Variants in ARHGAP25 observed in about 807,000 individuals in gnomAD.
ARHGAP25 encodes rho GTPase-activating protein 25.
In ARHGAP25, 34 loss-of-function variants were observed where a neutral mutation model predicts 71.0. That is an observed-to-expected ratio of 0.48 (90% CI 0.36 to 0.64). ARHGAP25 has a LOEUF of 0.64. Among genes scored for constraint, ARHGAP25 ranks in the 30% least tolerant of loss-of-function variants. ARHGAP25 has a pLI of 0.00. For synonymous variants in ARHGAP25, 282 were observed against 296.5 expected, an observed-to-expected ratio of 0.95 and a Z score of 0.50; for missense variants, 706 against 805.1, an observed-to-expected ratio of 0.88 and a Z score of 1.49.
At chr2:68,724,176 A>G (rs1449524622) in intron 2 of ARHGAP25, among the ~76,000 whole-genome samples, 1 of 152,036 alleles carries the variant, frequency 6.6e-6, no homozygotes, top group African/African-American at 2.4e-5. Context: ...AGCTCTCTGG[A>G]CAGCCTGGAA....
chr2:68,815,819 T>G (rs1558660174), intron 6 of ARHGAP25, among the ~76,000 whole-genome samples: 1 of 146,246 alleles, frequency 6.8e-6, no homozygotes, highest in East Asian at 2.1e-4. Flanking sequence ...CAGCGTGGTC[T>G]GCCTGTCTCT....
At chr2:68,802,746 GA>G (rs1680087597) in intron 4 of ARHGAP25, among the ~76,000 whole-genome samples, 1 of 151,434 alleles carries the variant, frequency 6.6e-6, no homozygotes, top group Non-Finnish European at 1.5e-5. Flanking sequence ...GATGGAAATA[GA>G]TATGATATAA....
intron 2 of ARHGAP25, among the ~76,000 whole-genome samples, chr2:68,714,601 G>C (rs1259285311): frequency 6.6e-6 from 1 of 152,064 alleles, no homozygotes; most frequent in Non-Finnish European, 1.5e-5. Flanking sequence ...GATCTTTCCT[G>C]CTTTCTCCTT....
chr2:68,713,418 T>A (rs1674535346), intron 2 of ARHGAP25, among the ~76,000 whole-genome samples: 1 of 152,154 alleles, frequency 6.6e-6, no homozygotes, highest in African/African-American at 2.4e-5. Flanking sequence ...GACGATGGGG[T>A]TTTCTAAATA....
intron 3 of ARHGAP25, among the ~76,000 whole-genome samples, chr2:68,786,863 A>T (rs1455764166): frequency 1.3e-5 from 2 of 152,262 alleles, no homozygotes; most frequent in African/African-American, 4.8e-5. Flanking sequence ...ATTGCTGCTT[A>T]CGAAGGCACT....
chr2:68,738,872 C>A (rs917627909), intron 1 of ARHGAP25, among the ~76,000 whole-genome samples: 1 of 150,630 alleles, frequency 6.6e-6, no homozygotes, highest in Non-Finnish European at 1.5e-5. Context: ...AGACAGTGAA[C>A]AGCTACACAA....
chr2:68,816,187 G>T, intron 6 of ARHGAP25, 102 bp from the exon 7 acceptor site: 1 of 956,704 alleles, frequency 1.0e-6, no homozygotes, highest in East Asian at 2.4e-5. Flanking sequence ...CCAAAGTGTT[G>T]TTTCTGCACA....
intron 1 of ARHGAP25, among the ~76,000 whole-genome samples, chr2:68,773,057 C>T (rs1677589673): frequency 6.6e-6 from 1 of 152,064 alleles, no homozygotes; most frequent in East Asian, 1.9e-4. Context: ...GAAGTGACTG[C>T]CAGATGGAAC....
chr2:68,788,479 G>C (rs868194899), intron 4 of ARHGAP25, among the ~76,000 whole-genome samples: 1 of 152,244 alleles, frequency 6.6e-6, no homozygotes, highest in South Asian at 2.1e-4. Flanking sequence ...TTCAGGAATT[G>C]TGTCTGAAGT....
chr2:68,742,456 G>A (rs1553394631), intron 1 of ARHGAP25, among the ~76,000 whole-genome samples: 1 of 152,120 alleles, frequency 6.6e-6, no homozygotes, highest in Non-Finnish European at 1.5e-5. Context: ...ATCATCGATC[G>A]GTCACTGTGT....
intron 2 of ARHGAP25, among the ~76,000 whole-genome samples, chr2:68,724,821 T>C (rs1367650310): frequency 6.6e-6 from 1 of 152,204 alleles, no homozygotes; most frequent in African/African-American, 2.4e-5. Context: ...CCTTGTCATT[T>C]TTCCCTTGAC....
At chr2:68,726,335 C>T (rs946889307) in intron 2 of ARHGAP25, among the ~76,000 whole-genome samples, 3 of 152,150 alleles carry the variant, frequency 2.0e-5, no homozygotes, top group Non-Finnish European at 4.4e-5. Flanking sequence ...ATATTGGCAG[C>T]TTCACGTGGT....
chr2:68,781,382 T>A (rs1573517813), intron 2 of ARHGAP25, among the ~76,000 whole-genome samples: 1 of 151,362 alleles, frequency 6.6e-6, no homozygotes. Flanking sequence ...AGAGCGAGAC[T>A]CCGTCTCAAA....
At chr2:68,729,371 C>T (rs1674954874) in intron 2 of ARHGAP25, among the ~76,000 whole-genome samples, 1 of 152,064 alleles carries the variant, frequency 6.6e-6, no homozygotes, top group South Asian at 2.1e-4. Flanking sequence ...AAGGAAGTGA[C>T]AGAGTGGAGA....
chr2:68,819,136 C>T lies in ARHGAP25; in HGVS notation c.1017C>T (p.Ile339=), dbSNP rs531604178. The change falls in exon 9 of 11, where the codon ATC becomes ATT. Residue 339 remains isoleucine (I), a synonymous_variant. Transcript: ENST00000409202. ...PAVIMRGTPQ[I]QRVMTMMIRD... is the part of the protein sequence containing the mutation. ...TCTGTCTTTCAGGGACTCCTCAGAT[C>T]CAAAGAGTGATGACTATGATGATCA... 2.6e-6 allele frequency: 4 copies of T among 1,562,880 alleles called. No homozygotes were observed. The Admixed American group carries it at 5.7e-5, about 22-fold the overall frequency.
At chr2:68,823,837 G>A (rs1681890118) in intron 10 of ARHGAP25, among the ~76,000 whole-genome samples, 1 of 152,206 alleles carries the variant, frequency 6.6e-6, no homozygotes, top group Non-Finnish European at 1.5e-5. Context: ...CAAGATCTGT[G>A]CACACAATTT....
intron 1 of ARHGAP25, among the ~76,000 whole-genome samples, chr2:68,747,601 T>G (rs970186446): frequency 6.6e-6 from 1 of 152,210 alleles, no homozygotes; most frequent in Non-Finnish European, 1.5e-5. Flanking sequence ...CAACGTCTCT[T>G]CTGGGTTCTG....
At chr2:68,755,037 C>A (rs1676397290) in intron 1 of ARHGAP25, among the ~76,000 whole-genome samples, 2 of 152,108 alleles carry the variant, frequency 1.3e-5, no homozygotes, top group South Asian at 4.1e-4. Flanking sequence ...TTGATGAAGT[C>A]AAATATCATG....
chr2:68,746,243 A>G (rs1355425323), intron 1 of ARHGAP25, among the ~76,000 whole-genome samples: 1 of 152,196 alleles, frequency 6.6e-6, no homozygotes, highest in Non-Finnish European at 1.5e-5. Flanking sequence ...AATATGTACA[A>G]CTAAGTGAGA....
Sources: allele counts gnomAD v4.1 joint callset (sites outside exome capture counted in the v4.1 genomes callset), GRCh38; gene constraint gnomAD v4.1.1; transcripts MANE v1.5; gene names NCBI Gene and HGNC (gene_info 2026-07-23, HGNC 2026-07-21).